The following OR2C1 variants were observed in gnomAD, a reference collection of about 807,000 sequenced individuals.
OR2C1 encodes the protein olfactory receptor family 2 subfamily C member 1.
For synonymous variants in OR2C1, 209 were observed against 167.3 expected, an observed-to-expected ratio of 1.25 and a Z score of -1.92; for missense variants, 468 against 388.3, an observed-to-expected ratio of 1.21 and a Z score of -1.73.
chr16:3,355,000 C>T (rs531963703), upstream of OR2C1, among the ~76,000 whole-genome samples: 1 of 152,168 alleles, frequency 6.6e-6, no homozygotes, highest in East Asian at 1.9e-4. Flanking sequence ...CTCTCTATCC[C>T]GTCATAGCCA....
the OR2C1 span, among the ~76,000 whole-genome samples, chr16:3,340,301 AAAAGG>A: frequency 6.6e-6 from 1 of 152,138 alleles, no homozygotes; most frequent in African/African-American, 2.4e-5. Flanking sequence ...AGAGAAAGAA[AAAAGG>A]AAAGAGTTGT....
chr16:3,355,300 A>C (rs1008211012), upstream of OR2C1, among the ~76,000 whole-genome samples: 3 of 151,320 alleles, frequency 2.0e-5, no homozygotes, highest in African/African-American at 7.3e-5. Flanking sequence ...GTCTCTACTA[A>C]AACAAAAATT....
the OR2C1 span, among the ~76,000 whole-genome samples, chr16:3,327,333 A>G: frequency 6.6e-6 from 1 of 152,120 alleles, no homozygotes; most frequent in Non-Finnish European, 1.5e-5. Flanking sequence ...TAAATAGTTC[A>G]GTTTGTAAGA....
In OR2C1 at chr16:3,356,536, T is replaced by C; in HGVS notation, c.596T>C (p.Leu199Pro). Residue 199 changes from leucine (L) to proline (P), a missense_variant, in exon 1 of 1, where the codon CTC becomes CCC. Leu to Pro is a moderately conservative substitution (Grantham distance 98). Coordinates refer to ENST00000304936, the MANE Select transcript of OR2C1 (RefSeq NM_012368.3). ...CGDTSLNQAV[L>P]NGVCTFFTAV... ...GACACAAGTCTCAACCAGGCTGTGC[T>C]CAATGGTGTCTGCACCTTCTTCACT... 6.2e-7 allele frequency: 1 copy of C among 1,614,200 alleles called. No individual in the cohort carries two copies. The highest frequency in any genetic ancestry group is 8.5e-7 in the Non-Finnish European group (1 of 1,180,044).
At chr16:3,340,703 C>G in the OR2C1 span, among the ~76,000 whole-genome samples, 1 of 152,148 alleles carries the variant, frequency 6.6e-6, no homozygotes, top group Non-Finnish European at 1.5e-5. Context: ...AGAGACTATT[C>G]TTTCCCTCAC....
chr16:3,348,553 C>A, the OR2C1 span, among the ~76,000 whole-genome samples: 1 of 152,144 alleles, frequency 6.6e-6, no homozygotes, highest in Non-Finnish European at 1.5e-5. Flanking sequence ...GTGACCAGCA[C>A]ACAGCACAAG....
the OR2C1 span, among the ~76,000 whole-genome samples, chr16:3,326,315 G>A: frequency 4.0e-5 from 6 of 151,714 alleles, no homozygotes; most frequent in East Asian, 1.9e-4. Flanking sequence ...TCTTTCTTTC[G>A]GAAGTAAATA....
chr16:3,343,478 G>A, the OR2C1 span, among the ~76,000 whole-genome samples: 2 of 152,174 alleles, frequency 1.3e-5, no homozygotes, highest in South Asian at 2.1e-4. Flanking sequence ...TTGGCCGGGC[G>A]CGGTGGCTCA....
chr16:3,328,819 A>G, the OR2C1 span, among the ~76,000 whole-genome samples: 1 of 152,152 alleles, frequency 6.6e-6, no homozygotes, highest in Non-Finnish European at 1.5e-5. Flanking sequence ...TGCCAGAAGT[A>G]CTATGCTCTG....
At chr16:3,323,790 C>A in the OR2C1 span, 8 of 780,154 alleles carry the variant, frequency 1.0e-5, no homozygotes, top group Non-Finnish European at 1.7e-5. Context: ...AACCTGAGCC[C>A]TTTTCCTTTC....
chr16:3,347,485 G>A, the OR2C1 span, among the ~76,000 whole-genome samples: 22 of 150,154 alleles, frequency 1.5e-4, 1 homozygote, highest in East Asian at 2.7e-3. Flanking sequence ...TTTTTGAGAC[G>A]GAGTTTTGCT....
At chr16:3,344,921 A>T in the OR2C1 span, among the ~76,000 whole-genome samples, 1 of 151,782 alleles carries the variant, frequency 6.6e-6, no homozygotes, top group African/African-American at 2.4e-5. Context: ...GACCAGGATG[A>T]GAGTCTATCA....
At position 3,356,376 on chromosome 16, in the gene OR2C1, G is replaced by A. The variant is rs775587405; in HGVS notation, c.436G>A (p.Val146Met). 5 of 1,613,780 alleles carry A rather than the reference G, an allele frequency of 3.1e-6. No individual in the cohort carries two copies. The highest frequency in any genetic ancestry group is 3.4e-6 in the Non-Finnish European group (4 of 1,180,048). The change falls in exon 1 of 1, where the codon GTG becomes ATG. Residue 146 changes from valine (V) to methionine (M), a missense_variant. Transcript: ENST00000304936. ...MNPQLCWLLA[V>M]IACLGGLGNS... is the part of the protein sequence containing the mutation. ...CCCCCAGCTCTGCTGGCTGCTGGCT[G>A]TGATTGCCTGCCTGGGTGGCTTGGG...
the OR2C1 span, among the ~76,000 whole-genome samples, chr16:3,333,496 C>T: frequency 6.6e-6 from 1 of 151,810 alleles, no homozygotes; most frequent in African/African-American, 2.4e-5. Context: ...CTACCGCGCC[C>T]GGCTAGTTTT....
chr16:3,340,819 G>A, the OR2C1 span, among the ~76,000 whole-genome samples: 3 of 151,810 alleles, frequency 2.0e-5, no homozygotes, highest in Non-Finnish European at 4.4e-5. Flanking sequence ...TTATGTATCT[G>A]TTCTTATGTC....
At chr16:3,338,958 A>T in the OR2C1 span, among the ~76,000 whole-genome samples, 3 of 152,190 alleles carry the variant, frequency 2.0e-5, no homozygotes, top group Non-Finnish European at 4.4e-5. Flanking sequence ...CTAGTTCCAA[A>T]ATATTTTAAT....
chr16:3,347,784 G>A, the OR2C1 span, among the ~76,000 whole-genome samples: 56 of 150,270 alleles, frequency 3.7e-4, no homozygotes, highest in Admixed American at 1.2e-3. Flanking sequence ...ATGCACACAC[G>A]CACACACACA....
At chr16:3,354,798 G>A (rs540270552), upstream of OR2C1, among the ~76,000 whole-genome samples, 11 of 152,152 alleles carry the variant, frequency 7.2e-5, no homozygotes, top group Non-Finnish European at 1.6e-4. Flanking sequence ...TCAAGAGATA[G>A]GGTCTCCCTC....
the OR2C1 span, among the ~76,000 whole-genome samples, chr16:3,327,801 A>G: frequency 6.6e-5 from 10 of 152,258 alleles, no homozygotes; most frequent in East Asian, 1.5e-3. Flanking sequence ...CAGGAGTTCA[A>G]AGTGCCCTCA....
Sources: gnomAD v4.1 joint callset for allele counts (sites outside exome capture counted in the v4.1 genomes callset) on GRCh38, gnomAD v4.1.1 for gene constraint, MANE v1.5 for transcripts, NCBI Gene and HGNC (gene_info 2026-07-23, HGNC 2026-07-21) for gene names.